Variants in TENM2 observed in about 807,000 individuals in gnomAD.
TENM2 encodes teneurin transmembrane protein 2.
Under a neutral mutation model 245.2 loss-of-function variants are expected in TENM2, and 52 were observed. That is an observed-to-expected ratio of 0.21 (90% confidence interval 0.17 to 0.27). The LOEUF (loss-of-function observed/expected upper bound fraction) is 0.27, where lower values mean the gene tolerates loss of function less well. Ranked by LOEUF, TENM2 falls within the 10% of genes least tolerant of loss-of-function variation. The pLI is 1.00. For synonymous variants in TENM2, 1,363 were observed against 1,438.9 expected (o/e 0.95, Z 1.19); for missense variants, 3,046 against 3,666.8 (o/e 0.83, Z 4.37).
intron 5 of TENM2, among the ~76,000 whole-genome samples, chr5:168,033,767 C>G (rs939101563): frequency 1.4e-4 from 21 of 152,058 alleles, no homozygotes; most frequent in African/African-American, 5.1e-4. Flanking sequence ...GTAATCACAC[C>G]TGTAATCCCA....
At chr5:167,727,041 A>G (rs542792330) in intron 2 of TENM2, among the ~76,000 whole-genome samples, 8 of 152,110 alleles carry the variant, frequency 5.3e-5, no homozygotes, top group East Asian at 1.9e-4. Context: ...ATGGTTACCA[A>G]AATGAAGCCT....
At chr5:167,172,937 T>G in the TENM2 span, among the ~76,000 whole-genome samples, 3 of 152,348 alleles carry the variant, frequency 2.0e-5, no homozygotes, top group Non-Finnish European at 2.9e-5. Context: ...TCATTTGCAT[T>G]CATTCCTGAA....
At chr5:167,628,211 G>A (rs957397262) in intron 2 of TENM2, among the ~76,000 whole-genome samples, 4 of 152,052 alleles carry the variant, frequency 2.6e-5, no homozygotes, top group East Asian at 1.9e-4. Flanking sequence ...TTCTGTCGTC[G>A]TTGCTTTTTT....
chr5:168,198,824 C>G (rs745905560), intron 15 of TENM2, 29 bp from the exon 18 acceptor site: 1 of 1,606,354 alleles, frequency 6.2e-7, no homozygotes, highest in Non-Finnish European at 8.5e-7. Context: ...GAGTCTACCC[C>G]CTCATCAGCT....
At chr5:167,780,459 G>A (rs980852111) in intron 2 of TENM2, among the ~76,000 whole-genome samples, 3 of 152,088 alleles carry the variant, frequency 2.0e-5, no homozygotes, top group Non-Finnish European at 4.4e-5. Flanking sequence ...CCTATTTAGT[G>A]CCATTTTTCC....
At chr5:167,181,466 T>TTGTGTG in the TENM2 span, among the ~76,000 whole-genome samples, 31,343 of 122,194 alleles carry the variant, frequency 0.26, 4,426 homozygotes, top group Admixed American at 0.36. Flanking sequence ...AGCCGCTCGT[T>TTGTGTG]TGTGTGTGTG....
chr5:167,589,510 A>G (rs979960536), intron 2 of TENM2, among the ~76,000 whole-genome samples: 3 of 152,208 alleles, frequency 2.0e-5, no homozygotes. Context: ...TTTTGTGGAA[A>G]TATTCCCCAA....
At chr5:168,029,364 C>T (rs1281336641) in intron 5 of TENM2, among the ~76,000 whole-genome samples, 1 of 152,192 alleles carries the variant, frequency 6.6e-6, no homozygotes, top group East Asian at 1.9e-4. Flanking sequence ...CAAAATTCCT[C>T]TCTCCTGCTT....
At chr5:167,749,036 C>T (rs931938988) in intron 2 of TENM2, among the ~76,000 whole-genome samples, 20 of 152,074 alleles carry the variant, frequency 1.3e-4, no homozygotes, top group African/African-American at 2.4e-5. Context: ...TGTAAGCCAC[C>T]ATGTCCAGCC....
At chr5:168,223,042 A>G (rs931601827) in intron 23 of TENM2, among the ~76,000 whole-genome samples, 1 of 152,234 alleles carries the variant, frequency 6.6e-6, no homozygotes, top group African/African-American at 2.4e-5. Context: ...CTTCACTCCT[A>G]CATGCAGTCA....
At chr5:167,446,955 T>C (rs1051887811) in intron 2 of TENM2, among the ~76,000 whole-genome samples, 1 of 152,194 alleles carries the variant, frequency 6.6e-6, no homozygotes, top group African/African-American at 2.4e-5. Flanking sequence ...ATAATACCAG[T>C]TGAACATCTC....
At chr5:167,349,920 G>C (rs562981749) in intron 1 of TENM2, among the ~76,000 whole-genome samples, 1 of 152,080 alleles carries the variant, frequency 6.6e-6, no homozygotes, top group African/African-American at 2.4e-5. Flanking sequence ...TGGTCAGCAA[G>C]TTATTTATGT....
rs141779748 is a variant in TENM2, at chr5:168,062,410, A to G, written c.1515+145A>G. ...ATGTTGGCGAGAATTTGGAGAAATA[A>G]GAACCCTTGTACATTGCTGGTGGGA... On this transcript the variant is annotated intron_variant, in intron 7 of 28. Transcript: ENST00000518659. The G allele has an allele frequency of 5.4e-4, 375 of 700,174 alleles. 2 individuals are homozygous for G. The African/African-American group carries it at 5.6e-3, about 11-fold the overall frequency. 43.4% of individuals were successfully genotyped at this position (700,174 alleles called of 1,614,324 possible). A position where few individuals can be genotyped will look rare whatever the true frequency, so the allele number is the denominator to read the frequency against.
Position 167,374,557 on chromosome 5 carries a change from C to T in TENM2, c.227-641C>T, listed in dbSNP as rs371540382. On this transcript the variant is annotated intron_variant, in intron 1 of 28. Coordinates refer to ENST00000518659, the Ensembl canonical transcript of TENM2. ...TATTATAGATGAGAAAATTGGGGTTCGTGGAGTTAAGGGAATTACCATAAA... is the reference window on the plus strand; with the variant it reads ...TATTATAGATGAGAAAATTGGGGTTTGTGGAGTTAAGGGAATTACCATAAA... Among the ~76,000 whole-genome samples, 16 of 152,086 alleles carry T rather than the reference C, an allele frequency of 1.1e-4. No homozygotes were observed. The East Asian group carries it at 1.6e-3, about 15-fold the overall frequency.
At chr5:168,257,354 A>G (rs1253716833) in intron 27 of TENM2, among the ~76,000 whole-genome samples, 6 of 152,112 alleles carry the variant, frequency 3.9e-5, no homozygotes. Flanking sequence ...GAGGGAGAGC[A>G]AGAGAGGCAG....
At chr5:168,249,511 A>G (rs1005137292) in intron 27 of TENM2, among the ~76,000 whole-genome samples, 6 of 150,724 alleles carry the variant, frequency 4.0e-5, no homozygotes, top group African/African-American at 1.5e-4. Flanking sequence ...CAAGATTGGC[A>G]TAATACAGAA....
the TENM2 span, among the ~76,000 whole-genome samples, chr5:167,132,871 T>G: frequency 2.0e-5 from 3 of 152,186 alleles, no homozygotes; most frequent in African/African-American, 7.2e-5. Flanking sequence ...AGCCCCCAGG[T>G]CCCTCAGGGG....
intron 12 of TENM2, among the ~76,000 whole-genome samples, chr5:168,138,166 T>G (rs766585867): frequency 6.6e-6 from 1 of 152,160 alleles, no homozygotes; most frequent in Admixed American, 6.5e-5. Flanking sequence ...TGCCTGAGAT[T>G]TGGGATCAAA....
the TENM2 span, among the ~76,000 whole-genome samples, chr5:167,155,217 GC>G: frequency 6.6e-6 from 1 of 152,350 alleles, no homozygotes; most frequent in African/African-American, 2.4e-5. Context: ...TCGGCAACCT[GC>G]CGTATTGTGG....
Sources: gnomAD v4.1 joint callset for allele counts (sites outside exome capture counted in the v4.1 genomes callset) on GRCh38, gnomAD v4.1.1 for gene constraint, MANE v1.5 for transcripts, NCBI Gene and HGNC (gene_info 2026-07-23, HGNC 2026-07-21) for gene names.